Variants in TRPC4 observed in about 807,000 individuals in gnomAD.
TRPC4 encodes the protein transient receptor potential cation channel subfamily C member 4, also known as short transient receptor potential channel 4.
A neutral mutation model predicts 99.4 loss-of-function variants in TRPC4; 49 were observed. That is an observed-to-expected ratio of 0.49 (90% CI 0.39 to 0.63). The LOEUF is 0.63. TRPC4 is among the 20% of genes least tolerant of loss of function. The probability of loss-of-function intolerance (pLI) is 0.00; values close to 1 mark genes in which losing one functional copy is unlikely to be tolerated. For missense variants in TRPC4, 898 were observed against 1,152.9 expected (o/e 0.78, Z 3.20); for synonymous variants, 454 against 425.9 (o/e 1.07, Z -0.81).
At chr13:37,642,876 G>C (rs545034089) in intron 8 of TRPC4, among the ~76,000 whole-genome samples, 12 of 151,974 alleles carry the variant, frequency 7.9e-5, no homozygotes, top group African/African-American at 2.7e-4. Flanking sequence ...GATTACAGGT[G>C]CATGGCACCA....
intron 2 of TRPC4, among the ~76,000 whole-genome samples, chr13:37,782,448 G>T (rs1199797042): frequency 6.6e-6 from 1 of 152,024 alleles, no homozygotes; most frequent in Non-Finnish European, 1.5e-5. Flanking sequence ...CAATTTAAAA[G>T]AATCTACTAG....
At position 37,859,102 on chromosome 13, in the gene TRPC4, GA is replaced by G. The variant is rs1959200493; in HGVS notation, c.-28+10492del. On this transcript the variant is annotated intron_variant, in intron 1 of 10. Coordinates refer to ENST00000379705, the MANE Select transcript of TRPC4 (RefSeq NM_016179.4). ...ATTAAAAATAAAAAATATACAAAAT[GA>G]ATAAATAAATCAGTTTACAGATAGG... 2.6e-5 allele frequency among the ~76,000 whole-genome samples: 4 copies of G among 151,018 alleles called. No individual in the cohort carries two copies. In the South Asian group the frequency reaches 8.3e-4, roughly 31 times the overall value.
At chr13:37,693,047 A>G (rs1953772531) in intron 3 of TRPC4, among the ~76,000 whole-genome samples, 1 of 143,684 alleles carries the variant, frequency 7.0e-6, no homozygotes, top group South Asian at 2.3e-4. Flanking sequence ...CATTTTTGTG[A>G]TGTAGCATGG....
At chr13:37,813,222 T>A (rs1346865168) in intron 1 of TRPC4, among the ~76,000 whole-genome samples, 2 of 151,670 alleles carry the variant, frequency 1.3e-5, no homozygotes, top group Non-Finnish European at 2.9e-5. Flanking sequence ...CAAGTGAAAA[T>A]ATAGCATACC....
intron 3 of TRPC4, among the ~76,000 whole-genome samples, chr13:37,705,241 TAAAAGTTTGAATTCACAGATGCAGAG>T (rs2138955115): frequency 6.6e-6 from 1 of 152,216 alleles, no homozygotes; most frequent in African/African-American, 2.4e-5. Flanking sequence ...TGTGGAATCT[TAAAAGTTTGAATTCACAGATGCAGAG>T]AGTAGAATGA....
At chr13:37,778,736 A>G (rs751513152) in intron 2 of TRPC4, among the ~76,000 whole-genome samples, 2 of 152,110 alleles carry the variant, frequency 1.3e-5, no homozygotes, top group African/African-American at 2.4e-5. Context: ...GTGGGAATAC[A>G]TAATAAGGAT....
intron 3 of TRPC4, among the ~76,000 whole-genome samples, chr13:37,737,030 G>A (rs1271232147): frequency 6.6e-6 from 1 of 151,272 alleles, no homozygotes; most frequent in East Asian, 1.9e-4. Context: ...AGCACGCCCA[G>A]CCAACTTCTT....
intron 8 of TRPC4, among the ~76,000 whole-genome samples, chr13:37,645,161 C>T (rs1951832522): frequency 6.6e-6 from 1 of 151,942 alleles, no homozygotes; most frequent in Non-Finnish European, 1.5e-5. Context: ...TACCTGTTGC[C>T]ACATTAGCAT....
intron 4 of TRPC4, among the ~76,000 whole-genome samples, chr13:37,685,374 C>T (rs1405879652): frequency 6.6e-6 from 1 of 152,008 alleles, no homozygotes; most frequent in Non-Finnish European, 1.5e-5. Flanking sequence ...CTCCTTGATC[C>T]CTTGATCCCT....
intron 1 of TRPC4, among the ~76,000 whole-genome samples, chr13:37,823,695 T>C (rs915177389): frequency 2.7e-5 from 4 of 149,432 alleles, no homozygotes; most frequent in Admixed American, 2.0e-4. Context: ...TAGTTTGAAG[T>C]CAGGTAGTGT....
intron 1 of TRPC4, among the ~76,000 whole-genome samples, chr13:37,814,261 T>G (rs636440): frequency 0.33 from 50,025 of 151,370 alleles, 8,564 homozygotes; most frequent in East Asian, 0.53. Flanking sequence ...CCTGAGATGG[T>G]GAACAAGACA....
At chr13:37,652,028 C>T (rs1345117759) in intron 7 of TRPC4, among the ~76,000 whole-genome samples, 1 of 152,230 alleles carries the variant, frequency 6.6e-6, no homozygotes, top group Non-Finnish European at 1.5e-5. Context: ...ACCATTGAAT[C>T]TTGACCTAAC....
At chr13:37,679,479 A>C (rs1953165195) in intron 4 of TRPC4, among the ~76,000 whole-genome samples, 1 of 152,178 alleles carries the variant, frequency 6.6e-6, no homozygotes, top group Admixed American at 6.5e-5. Flanking sequence ...TTCATAATAA[A>C]ATGTTGAATG....
At chr13:37,669,338 T>C (rs187004838) in intron 5 of TRPC4, among the ~76,000 whole-genome samples, 14 of 152,298 alleles carry the variant, frequency 9.2e-5, no homozygotes, top group Admixed American at 6.5e-4. Context: ...AGTAACGTTT[T>C]ATAACTGTGG....
intron 1 of TRPC4, among the ~76,000 whole-genome samples, chr13:37,839,660 T>A (rs938671065): frequency 6.6e-6 from 1 of 152,202 alleles, no homozygotes; most frequent in East Asian, 1.9e-4. Flanking sequence ...AGTTTATAGA[T>A]GAGAAACCTG....
intron 1 of TRPC4, among the ~76,000 whole-genome samples, chr13:37,854,216 T>C (rs1959128390): frequency 1.3e-5 from 2 of 152,136 alleles, no homozygotes; most frequent in Admixed American, 1.3e-4. Flanking sequence ...TGAGTCCCAG[T>C]ATGTCTGGCA....
At position 37,634,480 on chromosome 13, in the gene TRPC4, T is replaced by C. The variant is rs1037807887; in HGVS notation, c.*2423A>G. Reference sequence around the variant, plus strand: ...TTCTAGGGCACTGAAAAGGAGGGTCTTACTTGCTCCAAATACATTCCTCTA... The same window carrying C: ...TTCTAGGGCACTGAAAAGGAGGGTCCTACTTGCTCCAAATACATTCCTCTA... On this transcript the variant is annotated 3_prime_UTR_variant, in exon 11 of 11. Transcript: ENST00000379705. Among the ~76,000 whole-genome samples the C allele has an allele frequency of 3.9e-5, 6 of 152,070 alleles. No homozygotes were observed. Among genetic ancestry groups the C allele is most frequent in the Non-Finnish European group, 8.8e-5 (6 of 67,982 alleles).
chr13:37,649,534 A>G (rs1038023397), intron 8 of TRPC4, among the ~76,000 whole-genome samples: 2 of 151,952 alleles, frequency 1.3e-5, no homozygotes, highest in African/African-American at 2.4e-5. Context: ...GGAGATCGAG[A>G]CCAACCTGGC....
chr13:37,754,380 A>G (rs527531893), intron 2 of TRPC4, among the ~76,000 whole-genome samples: 2 of 152,284 alleles, frequency 1.3e-5, no homozygotes, highest in East Asian at 3.9e-4. Flanking sequence ...TCAAATTTAT[A>G]AAGTTTTCCA....
Sources: allele counts gnomAD v4.1 joint callset (sites outside exome capture counted in the v4.1 genomes callset), GRCh38; gene constraint gnomAD v4.1.1; transcripts MANE v1.5; gene names NCBI Gene and HGNC (gene_info 2026-07-23, HGNC 2026-07-21).